SLC39A8: variants seen among roughly 807,000 people sequenced by gnomAD.
SLC39A8 encodes the protein solute carrier family 39 member 8.
Under a neutral mutation model 40.4 loss-of-function variants are expected in SLC39A8, and 15 were observed. The ratio of observed to expected loss-of-function variants is 0.37; its 90% CI spans 0.25 to 0.57. The LOEUF is 0.57. SLC39A8 is among the 20% of genes least tolerant of loss of function. The pLI, the probability that SLC39A8 is intolerant of heterozygous loss-of-function variation, is 0.75. For synonymous variants in SLC39A8, 223 were observed against 221.6 expected, an observed-to-expected ratio of 1.01 and a Z score of -0.06; for missense variants, 472 against 558.8, an observed-to-expected ratio of 0.84 and a Z score of 1.57.
At chr4:102,337,141 C>T (rs1322111962) in intron 2 of SLC39A8, among the ~76,000 whole-genome samples, 2 of 149,014 alleles carry the variant, frequency 1.3e-5, no homozygotes, top group Admixed American at 6.7e-5. Flanking sequence ...ATCACTGATC[C>T]TTCTCAACTT....
chr4:102,267,552 C>A lies in SLC39A8; in HGVS notation c.1171G>T (p.Ala391Ser), dbSNP rs13107325. Reference sequence around the variant, plus strand: ...GCAAGTGCAAATATAATATTTGGAGCGAAATTGTTGCCCACCAAAATGCCA... The same window carrying A: ...GCAAGTGCAAATATAATATTTGGAGAGAAATTGTTGCCCACCAAAATGCCA... ...AFGILVGNNF[A>S]PNIIFALAGG... Residue 391 changes from alanine to serine, a missense_variant, in exon 8 of 9, where the codon GCT becomes TCT. Ala to Ser is a moderately conservative substitution (Grantham distance 99, BLOSUM62 1). Around this residue, in one of 4 missense-constraint regions of SLC39A8, gnomAD observed 239 missense variants for 317.9 expected, o/e 0.75. Coordinates refer to ENST00000356736, the MANE Select transcript of SLC39A8 (RefSeq NM_001135146.2). The A allele has an allele frequency of 1.2e-6, 2 of 1,613,744 alleles. No individual in the cohort carries two copies. Among genetic ancestry groups the A allele is most frequent in the South Asian group, 1.1e-5 (1 of 91,014 alleles).
At chr4:102,311,257 T>A (rs1295506753) in intron 3 of SLC39A8, among the ~76,000 whole-genome samples, 1 of 152,126 alleles carries the variant, frequency 6.6e-6, no homozygotes, top group African/African-American at 2.4e-5. Flanking sequence ...ATAGAGTTAT[T>A]ACAAGAATAA....
chr4:102,279,227 T>C (rs959847810), intron 6 of SLC39A8, among the ~76,000 whole-genome samples: 4 of 152,144 alleles, frequency 2.6e-5, no homozygotes, highest in African/African-American at 9.7e-5. Context: ...TCCAAGGCAG[T>C]AATTCTTATA....
At chr4:102,258,978 C>A (rs1388765822), downstream of SLC39A8, among the ~76,000 whole-genome samples, 1 of 152,214 alleles carries the variant, frequency 6.6e-6, no homozygotes, top group Non-Finnish European at 1.5e-5. Context: ...TACCTTTTAT[C>A]CCAACAAACT....
chr4:102,304,183 C>G (rs1734033793), intron 6 of SLC39A8, 134 bp downstream of exon 6: 1 of 581,034 alleles, frequency 1.7e-6, no homozygotes, highest in African/African-American at 1.9e-5. Flanking sequence ...GACTTACATT[C>G]CAGTTACCCC....
At chr4:102,304,876 C>T in intron 5 of SLC39A8, 113 bp downstream of exon 5, 2 of 890,704 alleles carry the variant, frequency 2.2e-6, no homozygotes, top group African/African-American at 1.7e-5. Flanking sequence ...ACTCACAAGC[C>T]TAATAACTGG....
At chr4:102,335,667 G>A (rs1247213108) in intron 2 of SLC39A8, among the ~76,000 whole-genome samples, 1 of 152,108 alleles carries the variant, frequency 6.6e-6, no homozygotes, top group Non-Finnish European at 1.5e-5. Flanking sequence ...CTGGAAGGGA[G>A]GTAATAATTT....
intron 11 of SLC39A8, among the ~76,000 whole-genome samples, chr4:102,254,681 A>G (rs1731669763): frequency 1.3e-5 from 2 of 152,340 alleles, no homozygotes; most frequent in African/African-American, 4.8e-5. Flanking sequence ...TGTAGCCTAG[A>G]TTCATATCCT....
Position 102,262,848 on chromosome 4 carries a change from A to G in SLC39A8, c.*196T>C, listed in dbSNP as rs570829447. 1 of 1,356,252 alleles carries G rather than the reference A, an allele frequency of 7.4e-7. No homozygotes were observed. The highest frequency in any genetic ancestry group is 9.5e-7 in the Non-Finnish European group (1 of 1,056,842). The allele number at this position is 1,356,252 out of a possible 1,614,324, so 84.0% of individuals were successfully genotyped here. A position where few individuals can be genotyped will look rare whatever the true frequency, so the allele number is the denominator to read the frequency against. ...TATATACCAGGCATCTCAGACTGACACTGAAAACCTTTTGAAGCATTTTTA... is the reference window on the plus strand; with the variant it reads ...TATATACCAGGCATCTCAGACTGACGCTGAAAACCTTTTGAAGCATTTTTA... On this transcript the variant is annotated 3_prime_UTR_variant, in exon 9 of 9. Coordinates refer to ENST00000356736, the MANE Select transcript of SLC39A8 (RefSeq NM_001135146.2).
intron 2 of SLC39A8, among the ~76,000 whole-genome samples, chr4:102,316,570 T>C (rs1734668301): frequency 6.6e-6 from 1 of 152,180 alleles, no homozygotes; most frequent in Non-Finnish European, 1.5e-5. Context: ...CCATATACAG[T>C]ACTTGCATTA....
intron 2 of SLC39A8, among the ~76,000 whole-genome samples, chr4:102,338,737 T>C (rs1330579014): frequency 6.6e-6 from 1 of 152,226 alleles, no homozygotes; most frequent in African/African-American, 2.4e-5. Flanking sequence ...CCTGAGGTTC[T>C]ACCACTTACT....
At chr4:102,274,541 C>T (rs1732527364) in intron 6 of SLC39A8, among the ~76,000 whole-genome samples, 1 of 152,156 alleles carries the variant, frequency 6.6e-6, no homozygotes, top group Non-Finnish European at 1.5e-5. Context: ...GGATATTATC[C>T]AGGAGAACTT....
intron 2 of SLC39A8, among the ~76,000 whole-genome samples, chr4:102,328,782 T>C (rs971560237): frequency 6.6e-6 from 1 of 152,006 alleles, no homozygotes; most frequent in Admixed American, 6.5e-5. Context: ...TCCCAGCACT[T>C]TGGGAGACCA....
chr4:102,289,918 T>C (rs1240045902), intron 6 of SLC39A8, among the ~76,000 whole-genome samples: 1 of 152,146 alleles, frequency 6.6e-6, no homozygotes, highest in Non-Finnish European at 1.5e-5. Context: ...ACTTCATAAA[T>C]GTAGTTGACA....
intron 1 of SLC39A8, 163 bp from the exon 2 acceptor site, chr4:102,345,078 T>G: frequency 4.9e-6 from 1 of 206,026 alleles, no homozygotes; most frequent in Non-Finnish European, 9.0e-6. Flanking sequence ...TGCGTACATA[T>G]GCTCCTCCCG....
At chr4:102,278,049 G>C (rs1286430354) in intron 6 of SLC39A8, among the ~76,000 whole-genome samples, 3 of 152,158 alleles carry the variant, frequency 2.0e-5, no homozygotes, top group Admixed American at 6.5e-5. Context: ...GGAAACCTAG[G>C]CAATACCATT....
intron 8 of SLC39A8, among the ~76,000 whole-genome samples, 158 bp downstream of exon 8, chr4:102,267,332 T>A (rs1732146007): frequency 6.6e-6 from 1 of 152,258 alleles, no homozygotes; most frequent in Non-Finnish European, 1.5e-5. Context: ...TGTAAACTAC[T>A]CAAGTAGAAT....
chr4:102,293,480 A>C (rs1260529919), intron 6 of SLC39A8, among the ~76,000 whole-genome samples: 1 of 152,030 alleles, frequency 6.6e-6, no homozygotes, highest in East Asian at 1.9e-4. Context: ...GAAAGTCCAA[A>C]AGAATAAACA....
intron 2 of SLC39A8, among the ~76,000 whole-genome samples, chr4:102,343,648 A>T (rs1397341894): frequency 6.6e-6 from 1 of 152,232 alleles, no homozygotes; most frequent in Non-Finnish European, 1.5e-5. Context: ...CCAATCACAG[A>T]GTATTTATTA....
Sources: allele counts gnomAD v4.1 joint callset (sites outside exome capture counted in the v4.1 genomes callset), GRCh38; gene constraint gnomAD v4.1.1; regional missense constraint gnomAD v4.1.1; transcripts MANE v1.5; gene names NCBI Gene and HGNC (gene_info 2026-07-23, HGNC 2026-07-21).